Variants in DDX17 observed in about 807,000 individuals in gnomAD.
DDX17 encodes DEAD-box helicase 17.
In DDX17, 10 loss-of-function variants were observed where a neutral mutation model predicts 80.8. That is an observed-to-expected ratio of 0.12 (90% CI 0.08 to 0.21). DDX17 has a LOEUF of 0.21. Ranked by LOEUF, DDX17 falls within the 10% of genes least tolerant of loss-of-function variation. DDX17 has a pLI of 1.00. For synonymous variants in DDX17, 339 were observed against 336.2 expected (o/e 1.01, Z -0.09); for missense variants, 586 against 957.4 (o/e 0.61, Z 5.12).
At chr22:38,493,926 C>A in intron 9 of DDX17, 95 bp downstream of exon 9, 1 of 1,201,794 alleles carries the variant, frequency 8.3e-7, no homozygotes. Context: ...CATGGATAGG[C>A]ATTATTGAAA....
Position 38,506,295 on chromosome 22 carries a change from C to A in DDX17, c.-58G>T, listed in dbSNP as rs993309031. ...GTTTAGGCGTCTCCTTCCTTCCCAGCGACTGCACAAAATGGCGGCCGCCGC... is the reference window on the plus strand; with the variant it reads ...GTTTAGGCGTCTCCTTCCTTCCCAGAGACTGCACAAAATGGCGGCCGCCGC... On this transcript the variant is annotated 5_prime_UTR_variant, in exon 1 of 13. Transcript: ENST00000403230. The A allele has an allele frequency of 3.3e-6, 5 of 1,494,230 alleles. No homozygotes were observed. The highest frequency in any genetic ancestry group is 4.5e-6 in the Non-Finnish European group (5 of 1,123,172). The allele number at this position is 1,494,230 out of a possible 1,614,324, so 92.6% of individuals were successfully genotyped here. A position where few individuals can be genotyped will look rare whatever the true frequency, so the allele number is the denominator to read the frequency against.
In DDX17 at chr22:38,485,094, G is replaced by C. The variant is rs1280205638; in HGVS notation, c.*841C>G. ...GAGCATTTATGTTCATTTGCTCACA[G>C]CAGCTGTCTGGATGGAAAATTAATT... On this transcript the variant is annotated 3_prime_UTR_variant, in exon 13 of 13. Transcript: ENST00000403230. 1.3e-5 allele frequency: 2 copies of C among 152,292 alleles called. No individual in the cohort carries two copies. The highest frequency in any genetic ancestry group is 3.9e-4 in the East Asian group (2 of 5,182). The allele number at this position is 152,292 out of a possible 1,614,324, so 9.4% of individuals were successfully genotyped here.
chr22:38,497,016 T>C (rs1033509032), intron 5 of DDX17, among the ~76,000 whole-genome samples: 6 of 152,024 alleles, frequency 3.9e-5, no homozygotes, highest in Admixed American at 3.3e-4. Context: ...AAAAGTTAAG[T>C]AGGCCGGGCG....
chr22:38,487,843 T>TGG, intron 12 of DDX17, 36 bp downstream of exon 12: 1 of 1,612,212 alleles, frequency 6.2e-7, no homozygotes, highest in Non-Finnish European at 8.5e-7. Context: ...AGAGATACCT[T>TGG]GGCAGTACCT....
At chr22:38,505,220 G>C (rs923781598) in intron 1 of DDX17, 4 of 152,278 alleles carry the variant, frequency 2.6e-5, no homozygotes, top group African/African-American at 2.4e-5. Context: ...ACAATACCAA[G>C]AACTTTCTAG....
chr22:38,490,057 G>C (rs2089697967), intron 11 of DDX17: 2 of 1,069,574 alleles, frequency 1.9e-6, no homozygotes, highest in Non-Finnish European at 2.3e-6. Flanking sequence ...TCAATAGAGG[G>C]CAGACATGAT....
At chr22:38,491,181 G>A (rs2089710258) in intron 11 of DDX17, 1 of 152,164 alleles carries the variant, frequency 6.6e-6, no homozygotes, top group South Asian at 2.1e-4. Context: ...TGAGTGCAAT[G>A]CATAAAAAGG....
rs542468804 is a variant in DDX17 at position 38,502,364 on chromosome 22, A to G, written c.288-1084T>C. Reference sequence around the variant, plus strand: ...GGAAGGCGGAGGTTGCAGTGAGCTGAAATGGCACCATAGCACTCCAGCCTG... The same window carrying G: ...GGAAGGCGGAGGTTGCAGTGAGCTGGAATGGCACCATAGCACTCCAGCCTG... On this transcript the variant is annotated intron_variant, in intron 1 of 12. Coordinates refer to ENST00000403230, the MANE Select transcript of DDX17 (RefSeq NM_006386.5). 1.3e-3 allele frequency among the ~76,000 whole-genome samples: 199 copies of G among 152,020 alleles called. 1 individual carries two copies. Among genetic ancestry groups the G allele is most frequent in the Non-Finnish European group, 2.5e-3 (170 of 67,956 alleles).
At chr22:38,495,167 T>C (rs2089748307) in intron 6 of DDX17, 121 bp from the exon 7 acceptor site, 1 of 922,392 alleles carries the variant, frequency 1.1e-6, no homozygotes. Flanking sequence ...ACCAGCCTGG[T>C]CAACATAGCA....
chr22:38,495,287 C>T (rs2089750023), intron 6 of DDX17, among the ~76,000 whole-genome samples: 1 of 145,254 alleles, frequency 6.9e-6, no homozygotes, highest in Admixed American at 7.0e-5. Context: ...GCTCTGTCAC[C>T]CAGACTGGAA....
intron 11 of DDX17, 147 bp from the exon 12 acceptor site, chr22:38,488,262 A>G (rs2145686990): frequency 6.5e-7 from 1 of 1,548,018 alleles, no homozygotes; most frequent in Middle Eastern, 1.7e-4. Flanking sequence ...GAACAGAAAC[A>G]AAAAAAGACT....
At position 38,486,072 on chromosome 22, in the gene DDX17, A is replaced by G. The variant is rs1391153288; in HGVS notation, c.2053T>C (p.Ser685Pro). The G allele has an allele frequency of 1.2e-6, 2 of 1,613,932 alleles. No individual in the cohort carries two copies. Among genetic ancestry groups the G allele is most frequent in the Non-Finnish European group, 1.7e-6 (2 of 1,180,022 alleles). The stretch of plus-strand genomic sequence containing the variant: ...ATCAGTGGCTGTGGCTGCTGCCCAG[A>G]CCGGCCTATCCCACTAAACTGCTGG... The change falls in exon 13 of 13, where the codon TCT (serine) becomes CCT (proline). Residue 685 changes from serine to proline, a missense_variant. Around this residue, in one of 4 missense-constraint regions of DDX17, gnomAD observed 221 missense variants for 261.4 expected, o/e 0.85. Transcript: ENST00000403230.
rs767119499 is a variant in DDX17, at chr22:38,494,003, C to T, written c.1325+18G>A. 1 of 1,577,910 alleles carries T rather than the reference C, an allele frequency of 6.3e-7. No homozygotes were observed. Among genetic ancestry groups the T allele is most frequent in the Non-Finnish European group, 8.7e-7 (1 of 1,156,000 alleles). On this transcript the variant is annotated intron_variant, in intron 9 of 12. Transcript: ENST00000403230. ...TAACTATAAAACCAGAGGTTAATTG[C>T]CTTGGTGCTATACTCACCCATCTCT... is the stretch of plus-strand genomic sequence containing the variant.
chr22:38,483,894 A>C lies in DDX17; in HGVS notation c.*2041T>G, dbSNP rs1253902586. 3 of 152,098 alleles carry C rather than the reference A, an allele frequency of 2.0e-5. No homozygotes were observed. The highest frequency in any genetic ancestry group is 4.4e-5 in the Non-Finnish European group (3 of 67,974). The allele number at this position is 152,098 out of a possible 1,614,324, so 9.4% of individuals were successfully genotyped here. A position where few individuals can be genotyped will look rare whatever the true frequency, so the allele number is the denominator to read the frequency against. The stretch of plus-strand genomic sequence containing the variant: ...TAGATTTCAGCTGTGCTCAGGCCAT[A>C]ATAGTTTTTGAGGTTTGGAATTTAC... On this transcript the variant is annotated 3_prime_UTR_variant, in exon 13 of 13. Coordinates refer to ENST00000403230, the MANE Select transcript of DDX17 (RefSeq NM_006386.5).
chr22:38,500,175 C>CAAAA lies in DDX17; in HGVS notation c.439-680_439-677dup, dbSNP rs138451. Among the ~76,000 whole-genome samples, 47 of 131,964 alleles carry CAAAA rather than the reference C, an allele frequency of 3.6e-4. 1 individual carries two copies. The highest frequency in any genetic ancestry group is 3.8e-3 in the Middle Eastern group (1 of 266). 86.6% of individuals were successfully genotyped at this position (131,964 alleles called of 152,430 possible). A position where few individuals can be genotyped will look rare whatever the true frequency, so the allele number is the denominator to read the frequency against. On this transcript the variant is annotated intron_variant, in intron 2 of 12. Coordinates refer to ENST00000403230, the MANE Select transcript of DDX17 (RefSeq NM_006386.5). ...TAGGGGACAGAGTGAGACTTCACCT[C>CAAAA]AAAAAAAAAAAAAGCCAATCTATCT...
At position 38,494,116 on chromosome 22, in the gene DDX17, C is replaced by T; in HGVS notation, c.1230G>A (p.Met410Ile). The T allele has an allele frequency of 6.2e-7, 1 of 1,612,828 alleles. No individual in the cohort carries two copies. Among genetic ancestry groups the T allele is most frequent in the East Asian group, 2.2e-5 (1 of 44,866 alleles). ...TTTCCTTTTCAGCCATTATTTCTTC[C>T]ATTAGTTGGATCAACCTGAAAACAT... is the stretch of plus-strand genomic sequence containing the variant. The change falls in exon 9 of 13, where the codon ATG becomes ATA. Residue 410 changes from methionine (M) to isoleucine (I), a missense_variant. By Grantham distance (10) the Met-to-Ile change is conservative (BLOSUM62 1). This residue lies in a region of DDX17 where 141 missense variants were observed against 379.3 expected (regional missense o/e 0.37). Transcript: ENST00000403230.
intron 6 of DDX17, among the ~76,000 whole-genome samples, chr22:38,495,472 C>T (rs1196941134): frequency 6.6e-6 from 1 of 152,144 alleles, no homozygotes; most frequent in African/African-American, 2.4e-5. Flanking sequence ...GTCCCAATCT[C>T]TGGACCTCGT....
At chr22:38,490,264 A>T in intron 11 of DDX17, 2 of 1,252,332 alleles carry the variant, frequency 1.6e-6, no homozygotes, top group Non-Finnish European at 2.1e-6. Context: ...TGTTTTGGCC[A>T]GCTGACTGGG....
Position 38,506,257 on chromosome 22 carries a change from G to C in DDX17, c.-20C>G, listed in dbSNP as rs1443574870. 9.5e-6 allele frequency: 15 copies of C among 1,585,520 alleles called. No homozygotes were observed. Among genetic ancestry groups the C allele is most frequent in the Non-Finnish European group, 1.2e-5 (14 of 1,168,482 alleles). On this transcript the variant is annotated 5_prime_UTR_variant, in exon 1 of 13. Coordinates refer to ENST00000403230, the MANE Select transcript of DDX17 (RefSeq NM_006386.5). ...GGGCAGGTTTGGCTACGCTCAAACC[G>C]GGCAGTGCCGCGGTTTAGGCGTCTC...
Sources: gnomAD v4.1 joint callset for allele counts (sites outside exome capture counted in the v4.1 genomes callset) on GRCh38, gnomAD v4.1.1 for gene constraint, gnomAD v4.1.1 regional missense constraint, MANE v1.5 for transcripts, NCBI Gene and HGNC (gene_info 2026-07-23, HGNC 2026-07-21) for gene names.